Variants in GRIK2 observed in about 807,000 individuals in gnomAD.
The protein encoded by GRIK2 is glutamate receptor ionotropic, kainate 2.
GRIK2 carries 32 observed loss-of-function variants against 100.3 expected under a neutral mutation model. The observed-to-expected ratio is 0.32, with a 90% confidence interval of 0.24 to 0.43. The LOEUF is 0.43. GRIK2 is among the 20% of genes least tolerant of loss of function. The pLI, the probability that GRIK2 is intolerant of heterozygous loss-of-function variation, is 1.00. For missense variants in GRIK2, 843 were observed against 1,114.9 expected (o/e 0.76, Z 3.47); for synonymous variants, 417 against 389.4 (o/e 1.07, Z -0.83).
intron 7 of GRIK2, among the ~76,000 whole-genome samples, chr6:101,740,324 G>A (rs1775939642): frequency 6.6e-6 from 1 of 152,028 alleles, no homozygotes; most frequent in Non-Finnish European, 1.5e-5. Context: ...GTTGTTGTGA[G>A]GACTAATTGA....
At chr6:101,732,357 G>A (rs954920100) in intron 7 of GRIK2, among the ~76,000 whole-genome samples, 18 of 151,944 alleles carry the variant, frequency 1.2e-4, no homozygotes, top group African/African-American at 4.3e-4. Context: ...TATATTTTTA[G>A]GAAACATTAC....
At chr6:101,770,619 G>T (rs1778339637) in intron 7 of GRIK2, among the ~76,000 whole-genome samples, 1 of 152,128 alleles carries the variant, frequency 6.6e-6, no homozygotes, top group African/African-American at 2.4e-5. Flanking sequence ...TCAGTCTATT[G>T]ACCTACCGGC....
At chr6:101,781,190 T>C (rs978409047) in intron 7 of GRIK2, among the ~76,000 whole-genome samples, 2 of 151,584 alleles carry the variant, frequency 1.3e-5, no homozygotes, top group African/African-American at 4.8e-5. Flanking sequence ...ATACAATCAT[T>C]TATAGGTACT....
rs541053081 is a variant in GRIK2, at chr6:101,973,688, G to T, written c.2085+45056G>T. On this transcript the variant is annotated intron_variant, in intron 14 of 16. Coordinates refer to ENST00000369134, the MANE Select transcript of GRIK2 (RefSeq NM_021956.5). ...GAATGTGATAATATTGTCAAGTATT[G>T]GGGGGAAATTGCCCTAAATAGCATT... is the stretch of plus-strand genomic sequence containing the variant. Among the ~76,000 whole-genome samples, 4 of 151,866 alleles carry T rather than the reference G, an allele frequency of 2.6e-5. No homozygotes were observed. In the East Asian group the frequency reaches 5.8e-4, roughly 22 times the overall value.
chr6:101,796,494 T>C (rs1197117659), intron 7 of GRIK2, among the ~76,000 whole-genome samples: 1 of 152,134 alleles, frequency 6.6e-6, no homozygotes, highest in Non-Finnish European at 1.5e-5. Context: ...TAGTTTAATC[T>C]GACAAGATAT....
chr6:101,426,171 T>A (rs986733345), intron 2 of GRIK2, among the ~76,000 whole-genome samples: 13 of 152,158 alleles, frequency 8.5e-5, no homozygotes, highest in African/African-American at 3.1e-4. Flanking sequence ...ACACTGTGCT[T>A]AAGGTGATGG....
At chr6:101,798,075 G>T (rs1173013855) in intron 7 of GRIK2, among the ~76,000 whole-genome samples, 1 of 148,792 alleles carries the variant, frequency 6.7e-6, no homozygotes, top group African/African-American at 2.5e-5. Context: ...CAAAACAATG[G>T]ATATGTAGCC....
At chr6:101,401,489 C>G (rs893163561) in intron 2 of GRIK2, among the ~76,000 whole-genome samples, 8 of 152,184 alleles carry the variant, frequency 5.3e-5, no homozygotes, top group African/African-American at 1.9e-4. Flanking sequence ...GATCTCCACA[C>G]TAGTCCCTTG....
At chr6:101,621,474 A>C (rs1404218935) in intron 2 of GRIK2, among the ~76,000 whole-genome samples, 2 of 152,060 alleles carry the variant, frequency 1.3e-5, no homozygotes, top group African/African-American at 4.8e-5. Flanking sequence ...ATTGTTTAAA[A>C]GAATTTTGAT....
At chr6:102,053,488 T>C (rs1342665109) in intron 15 of GRIK2, among the ~76,000 whole-genome samples, 5 of 152,162 alleles carry the variant, frequency 3.3e-5, no homozygotes, top group African/African-American at 1.2e-4. Context: ...GTTATTATGC[T>C]CCTCAGAATA....
chr6:101,466,936 T>C (rs777645078), intron 2 of GRIK2, among the ~76,000 whole-genome samples: 8 of 152,216 alleles, frequency 5.3e-5, no homozygotes, highest in Non-Finnish European at 1.2e-4. Flanking sequence ...TTTATTGCTT[T>C]TAAATAACTT....
chr6:101,764,039 C>G (rs935252580), intron 7 of GRIK2, among the ~76,000 whole-genome samples: 1 of 152,054 alleles, frequency 6.6e-6, no homozygotes, highest in Non-Finnish European at 1.5e-5. Flanking sequence ...GGTTTTAAAT[C>G]CTGTATTTTG....
chr6:101,743,876 T>C (rs1007851253), intron 7 of GRIK2, among the ~76,000 whole-genome samples: 1 of 152,142 alleles, frequency 6.6e-6, no homozygotes, highest in Non-Finnish European at 1.5e-5. Flanking sequence ...AATGAACAAG[T>C]TCTTTAGTGG....
chr6:101,526,350 G>C (rs1775155714), intron 2 of GRIK2, among the ~76,000 whole-genome samples: 2 of 152,144 alleles, frequency 1.3e-5, no homozygotes, highest in Admixed American at 6.5e-5. Flanking sequence ...GGGAGAGTTA[G>C]GCTAGAATTG....
At chr6:101,418,792 A>G (rs919664162) in intron 2 of GRIK2, among the ~76,000 whole-genome samples, 3 of 152,240 alleles carry the variant, frequency 2.0e-5, no homozygotes, top group African/African-American at 7.2e-5. Flanking sequence ...CAATTTGAAC[A>G]GCATCTGCAA....
chr6:101,587,149 GA>G (rs1273590537), intron 2 of GRIK2, among the ~76,000 whole-genome samples: 1 of 151,878 alleles, frequency 6.6e-6, no homozygotes, highest in Non-Finnish European at 1.5e-5. Flanking sequence ...AAGAAAAAAT[GA>G]ACAGGCAAAG....
At chr6:101,557,119 T>C (rs1776785639) in intron 2 of GRIK2, among the ~76,000 whole-genome samples, 2 of 152,178 alleles carry the variant, frequency 1.3e-5, no homozygotes, top group Non-Finnish European at 2.9e-5. Context: ...GGCTTTGGAA[T>C]GAATATAGTC....
At chr6:101,977,392 G>C (rs1178374470) in intron 14 of GRIK2, among the ~76,000 whole-genome samples, 1 of 151,792 alleles carries the variant, frequency 6.6e-6, no homozygotes, top group Non-Finnish European at 1.5e-5. Flanking sequence ...AGTAGGCAAA[G>C]AATGCCTTCA....
intron 7 of GRIK2, among the ~76,000 whole-genome samples, chr6:101,790,376 G>A (rs1314766182): frequency 2.0e-5 from 3 of 152,118 alleles, no homozygotes; most frequent in East Asian, 1.9e-4. Context: ...TTTGAGATAC[G>A]TCACATCAAT....
Sources: gnomAD v4.1 joint callset for allele counts (sites outside exome capture counted in the v4.1 genomes callset) on GRCh38, gnomAD v4.1.1 for gene constraint, MANE v1.5 for transcripts, NCBI Gene and HGNC (gene_info 2026-07-23, HGNC 2026-07-21) for gene names.